Variants in PRKCI observed in about 807,000 individuals in gnomAD.
PRKCI encodes protein kinase C iota.
PRKCI carries 43 observed loss-of-function variants against 84.0 expected under a neutral mutation model. That is an observed-to-expected ratio of 0.51 (90% confidence interval 0.40 to 0.66). The LOEUF is 0.66. PRKCI is among the 30% of genes least tolerant of loss of function. PRKCI has a pLI of 0.00. For synonymous variants in PRKCI, 216 were observed against 234.4 expected (o/e 0.92, Z 0.72); for missense variants, 459 against 745.6 (o/e 0.62, Z 4.48).
At chr3:170,253,905 A>G (rs977643209) in intron 2 of PRKCI, among the ~76,000 whole-genome samples, 4 of 151,706 alleles carry the variant, frequency 2.6e-5, no homozygotes, top group African/African-American at 9.7e-5. Context: ...CAGACCAGCC[A>G]GGCCAACATG....
intron 11 of PRKCI, among the ~76,000 whole-genome samples, 155 bp from the exon 12 acceptor site, chr3:170,284,306 T>C (rs1414774608): frequency 6.6e-6 from 1 of 152,244 alleles, no homozygotes; most frequent in Non-Finnish European, 1.5e-5. Flanking sequence ...TGGGCTCAGA[T>C]GTTTTAAAGT....
chr3:170,238,432 C>T (rs1577343103), intron 2 of PRKCI, among the ~76,000 whole-genome samples: 3 of 148,318 alleles, frequency 2.0e-5, no homozygotes, highest in Admixed American at 6.7e-5. Context: ...GACATTTTTT[C>T]ATTTCAGTGT....
At chr3:170,233,187 C>T (rs1732848492) in intron 1 of PRKCI, among the ~76,000 whole-genome samples, 1 of 95,214 alleles carries the variant, frequency 1.1e-5, no homozygotes, top group African/African-American at 3.8e-5. Context: ...GAAAAGCTTA[C>T]ACTGAGGTAG....
At chr3:170,223,877 A>G (rs1272541812) in intron 1 of PRKCI, among the ~76,000 whole-genome samples, 1 of 152,054 alleles carries the variant, frequency 6.6e-6, no homozygotes, top group Non-Finnish European at 1.5e-5. Flanking sequence ...TTCAAAGAAA[A>G]TCTGAGCCCC....
In PRKCI at chr3:170,222,787, A is replaced by G; in HGVS notation, c.101+17A>G. On this transcript the variant is annotated intron_variant, in intron 1 of 17. Transcript: ENST00000295797. ...CTACCGCGGGTGAGTGTCCTGGGAC[A>G]GGGCGGTGGGCGGGAGGGGACAGGC... 3.2e-6 allele frequency: 3 copies of G among 923,408 alleles called. No homozygotes were observed. The highest frequency in any genetic ancestry group is 4.7e-6 in the Non-Finnish European group (3 of 636,452). The allele number at this position is 923,408 out of a possible 1,614,324, so 57.2% of individuals were successfully genotyped here.
intron 2 of PRKCI, among the ~76,000 whole-genome samples, chr3:170,254,258 G>T (rs1733530084): frequency 6.6e-6 from 1 of 151,860 alleles, no homozygotes; most frequent in Non-Finnish European, 1.5e-5. Context: ...CCATTCTGTG[G>T]GTTGTCTCTT....
intron 12 of PRKCI, among the ~76,000 whole-genome samples, chr3:170,287,287 C>T (rs1734417571): frequency 6.6e-6 from 1 of 151,846 alleles, no homozygotes; most frequent in Admixed American, 6.6e-5. Context: ...CGCGCCACTG[C>T]ACTCCAGTCT....
At position 170,302,206 on chromosome 3, in the gene PRKCI, C is replaced by G. The variant is rs147611233; in HGVS notation, c.1704-834C>G. 1.6e-3 allele frequency among the ~76,000 whole-genome samples: 250 copies of G among 152,314 alleles called. 2 individuals carry two copies. Among genetic ancestry groups the G allele is most frequent in the Middle Eastern group, 6.8e-3 (2 of 294 alleles). On this transcript the variant is annotated intron_variant, in intron 17 of 17. Transcript: ENST00000295797. The stretch of plus-strand genomic sequence containing the variant: ...TCTAACACACTTCTATTCCTGTGCT[C>G]CACCCTAATTACTTGCATTTCCCAA...
chr3:170,297,644 G>T (rs547211245), intron 16 of PRKCI, among the ~76,000 whole-genome samples: 1 of 151,284 alleles, frequency 6.6e-6, no homozygotes, highest in Non-Finnish European at 1.5e-5. Context: ...TAGAGATGGG[G>T]GGGGTTTCAC....
At chr3:170,261,875 A>AT (rs1323456641) in intron 3 of PRKCI, among the ~76,000 whole-genome samples, 6 of 151,928 alleles carry the variant, frequency 3.9e-5, no homozygotes, top group South Asian at 2.1e-4. Flanking sequence ...TTAAGAGTCT[A>AT]TTTTTTTTGT....
rs540037412 is a variant in PRKCI, at chr3:170,223,833, T to C, written c.101+1063T>C. 7.2e-5 allele frequency among the ~76,000 whole-genome samples: 11 copies of C among 152,270 alleles called. 1 individual carries two copies. The highest frequency in any genetic ancestry group is 6.2e-4 in the South Asian group (3 of 4,824). On this transcript the variant is annotated intron_variant, in intron 1 of 17. Coordinates refer to ENST00000295797, the MANE Select transcript of PRKCI (RefSeq NM_002740.6). ...ACATTCCTGAGAGGATCAGTGAAGA[T>C]AGCAAACTCTCAAACTACCTCTCTT... is the stretch of plus-strand genomic sequence containing the variant.
intron 4 of PRKCI, 129 bp from the exon 5 acceptor site, chr3:170,267,786 C>G: frequency 2.0e-6 from 1 of 501,804 alleles, no homozygotes. Flanking sequence ...TATTTTTTGA[C>G]GTTCAGGTTT....
At chr3:170,258,515 A>G (rs1318710887) in intron 2 of PRKCI, among the ~76,000 whole-genome samples, 1 of 152,016 alleles carries the variant, frequency 6.6e-6, no homozygotes, top group Non-Finnish European at 1.5e-5. Context: ...CATGTTGGCC[A>G]GGCTGGTCTC....
At chr3:170,270,295 T>G in intron 5 of PRKCI, 126 bp from the exon 6 acceptor site, 2 of 924,694 alleles carry the variant, frequency 2.2e-6, no homozygotes, top group Non-Finnish European at 3.0e-6. Context: ...TTGTTTTGCT[T>G]TTGTTTTTGT....
intron 2 of PRKCI, among the ~76,000 whole-genome samples, chr3:170,244,033 G>A (rs1282794702): frequency 2.6e-5 from 4 of 152,196 alleles, no homozygotes; most frequent in Non-Finnish European, 5.9e-5. Flanking sequence ...GCTATTCATC[G>A]CTGGTTCCTG....
In PRKCI at chr3:170,273,399, C is replaced by A. The variant is rs1734043696; in HGVS notation, c.646+59C>A. The A allele has an allele frequency of 3.3e-6, 5 of 1,496,312 alleles. No homozygotes were observed. The Admixed American group carries it at 7.0e-5, about 21-fold the overall frequency. The allele number at this position is 1,496,312 out of a possible 1,614,324, so 92.7% of individuals were successfully genotyped here. On this transcript the variant is annotated intron_variant, in intron 7 of 17. Transcript: ENST00000295797. The stretch of plus-strand genomic sequence containing the variant: ...TCACAGAGTAGCATGTAAAGACTTA[C>A]TTAGGTGACTCTCTTACCCAAGTTT...
intron 2 of PRKCI, among the ~76,000 whole-genome samples, chr3:170,237,655 T>A (rs1733014447): frequency 6.6e-6 from 1 of 152,248 alleles, no homozygotes; most frequent in South Asian, 2.1e-4. Context: ...ATATTTGGGA[T>A]CATTTCTATC....
At chr3:170,291,623 G>C (rs1734553220) in intron 12 of PRKCI, 1 of 391,474 alleles carries the variant, frequency 2.6e-6, no homozygotes. Flanking sequence ...CTTGAACCCA[G>C]GAGGTGGAGG....
chr3:170,290,665 T>G (rs1734528992), intron 12 of PRKCI, among the ~76,000 whole-genome samples: 1 of 152,204 alleles, frequency 6.6e-6, no homozygotes, highest in African/African-American at 2.4e-5. Flanking sequence ...GATTGGAGAT[T>G]GTGAAATTCT....
Sources: gnomAD v4.1 joint callset for allele counts (sites outside exome capture counted in the v4.1 genomes callset) on GRCh38, gnomAD v4.1.1 for gene constraint, MANE v1.5 for transcripts, NCBI Gene and HGNC (gene_info 2026-07-23, HGNC 2026-07-21) for gene names.